ACTR10: variants seen among roughly 807,000 people sequenced by gnomAD.
ACTR10 encodes the protein actin-related protein 10.
Under a neutral mutation model 56.2 loss-of-function variants are expected in ACTR10, and 43 were observed. The observed-to-expected ratio is 0.77, with a 90% CI of 0.60 to 0.99. The LOEUF (loss-of-function observed/expected upper bound fraction) is 0.99, where lower values mean the gene tolerates loss of function less well. Ranked by LOEUF, ACTR10 falls within the 50% of genes least tolerant of loss-of-function variation. ACTR10 has a pLI of 0.00. For synonymous variants in ACTR10, 170 were observed against 176.3 expected (o/e 0.96, Z 0.28); for missense variants, 466 against 507.8 (o/e 0.92, Z 0.79).
chr14:58,230,369 C>T (rs1158461855), intron 10 of ACTR10, 30 bp from the exon 11 acceptor site: 1 of 1,364,724 alleles, frequency 7.3e-7, no homozygotes, highest in Non-Finnish European at 1.0e-6. Flanking sequence ...GTGACACCAA[C>T]AGAAAGCTCT....
intron 12 of ACTR10, 139 bp from the exon 13 acceptor site, chr14:58,234,231 A>G (rs897603673): frequency 3.3e-6 from 2 of 600,296 alleles, no homozygotes; most frequent in African/African-American, 1.9e-5. Context: ...CTTAACTGGA[A>G]TTACTTTGAA....
intron 1 of ACTR10, among the ~76,000 whole-genome samples, chr14:58,201,688 T>TA (rs1333119467): frequency 1.3e-5 from 2 of 152,186 alleles, no homozygotes; most frequent in African/African-American, 2.4e-5. Context: ...AATACCTAAA[T>TA]ACTCAAGAAA....
chr14:58,200,169 T>C lies in ACTR10; in HGVS notation c.-49T>C, dbSNP rs749793150. On this transcript the variant is annotated 5_prime_UTR_variant, in exon 1 of 13. Coordinates refer to ENST00000254286, the MANE Select transcript of ACTR10 (RefSeq NM_018477.3). ...GCCCCGCCCCGCGAGCGCCGAGACT[T>C]GTTGGCCGCGGAGACTGCGACCCTC... 11 of 1,399,238 alleles carry C rather than the reference T, an allele frequency of 7.9e-6. 1 individual carries two copies. The highest frequency in any genetic ancestry group is 1.0e-5 in the Non-Finnish European group (11 of 1,058,766). The allele number at this position is 1,399,238 out of a possible 1,614,324, so 86.7% of individuals were successfully genotyped here.
intron 4 of ACTR10, chr14:58,210,997 T>C: frequency 3.6e-6 from 1 of 274,292 alleles, no homozygotes. Flanking sequence ...CTTTTATCCC[T>C]TTCAATTTTC....
chr14:58,211,473 A>G, intron 5 of ACTR10, 74 bp downstream of exon 5: 1 of 1,081,750 alleles, frequency 9.2e-7, no homozygotes, highest in Non-Finnish European at 1.4e-6. Flanking sequence ...CTAATTATAA[A>G]TGATTTGTAT....
intron 7 of ACTR10, among the ~76,000 whole-genome samples, chr14:58,217,468 G>C (rs1038382506): frequency 6.6e-6 from 1 of 151,876 alleles, no homozygotes; most frequent in African/African-American, 2.4e-5. Flanking sequence ...AAGAGTTCGA[G>C]ACCAGCCTGA....
At chr14:58,207,753 T>TA (rs1355393574) in intron 2 of ACTR10, among the ~76,000 whole-genome samples, 183 bp from the exon 3 acceptor site, 1 of 152,228 alleles carries the variant, frequency 6.6e-6, no homozygotes, top group African/African-American at 2.4e-5. Flanking sequence ...TCTGCCATCT[T>TA]AGACATTCCG....
intron 8 of ACTR10, among the ~76,000 whole-genome samples, chr14:58,222,862 A>T (rs904996912): frequency 8.6e-5 from 13 of 151,614 alleles, no homozygotes; most frequent in African/African-American, 3.2e-4. Flanking sequence ...TTTTGGTAAC[A>T]TCTTTTCACA....
chr14:58,229,267 G>A (rs185664630), intron 10 of ACTR10, among the ~76,000 whole-genome samples: 6 of 152,268 alleles, frequency 3.9e-5, no homozygotes, highest in Admixed American at 2.0e-4. Context: ...GGAAGGAAAT[G>A]AGGAGAGGGT....
At chr14:58,232,824 T>C (rs1002934902) in intron 12 of ACTR10, among the ~76,000 whole-genome samples, 8 of 152,070 alleles carry the variant, frequency 5.3e-5, no homozygotes, top group African/African-American at 1.9e-4. Flanking sequence ...TCCCTCAAAA[T>C]AGTGAAAGCT....
chr14:58,217,091 T>G (rs1889150448), intron 7 of ACTR10, among the ~76,000 whole-genome samples: 1 of 152,228 alleles, frequency 6.6e-6, no homozygotes, highest in Admixed American at 6.5e-5. Flanking sequence ...TTGTGATGTC[T>G]TAGTATATTT....
chr14:58,229,367 T>C (rs561162857), intron 10 of ACTR10, among the ~76,000 whole-genome samples: 9 of 152,246 alleles, frequency 5.9e-5, no homozygotes, highest in Middle Eastern at 3.4e-3. Context: ...CACTATTCTA[T>C]ACTGAAAATT....
chr14:58,232,849 G>A (rs991385436), intron 12 of ACTR10, among the ~76,000 whole-genome samples: 4 of 150,834 alleles, frequency 2.7e-5, no homozygotes, highest in Non-Finnish European at 4.4e-5. Flanking sequence ...ATTTATTCCA[G>A]TGATGCTACC....
At chr14:58,208,075 A>G (rs1888909359) in intron 3 of ACTR10, 57 bp downstream of exon 3, 2 of 1,415,170 alleles carry the variant, frequency 1.4e-6, no homozygotes, top group Admixed American at 5.8e-5. Context: ...CTAATGCCAT[A>G]GTGATAATTG....
At chr14:58,228,148 A>G (rs1167659217) in intron 10 of ACTR10, among the ~76,000 whole-genome samples, 3 of 152,242 alleles carry the variant, frequency 2.0e-5, no homozygotes, top group African/African-American at 7.2e-5. Context: ...TAGATCATCC[A>G]GGGACAATAT....
At chr14:58,220,343 A>C (rs1489724145) in intron 8 of ACTR10, among the ~76,000 whole-genome samples, 3 of 125,986 alleles carry the variant, frequency 2.4e-5, no homozygotes, top group Non-Finnish European at 3.3e-5. Context: ...GAGATAATCT[A>C]ATACAGTTGG....
intron 11 of ACTR10, 68 bp from the exon 12 acceptor site, chr14:58,231,993 ATTTTC>A (rs1889547550): frequency 2.1e-6 from 2 of 934,292 alleles, no homozygotes; most frequent in East Asian, 2.6e-5. Flanking sequence ...ATTTATGTAT[ATTTTC>A]TTAAGTTCAA....
chr14:58,231,422 C>T (rs1018747498), intron 11 of ACTR10, among the ~76,000 whole-genome samples: 2 of 152,146 alleles, frequency 1.3e-5, no homozygotes, highest in Non-Finnish European at 2.9e-5. Context: ...CCTTCCAATT[C>T]AGGGTTGTAT....
chr14:58,222,197 A>G (rs962089449), intron 8 of ACTR10, among the ~76,000 whole-genome samples: 1 of 152,154 alleles, frequency 6.6e-6, no homozygotes, highest in East Asian at 1.9e-4. Flanking sequence ...ATGCTTTACA[A>G]GTAATACAAC....
Sources: gnomAD v4.1 joint callset for allele counts (sites outside exome capture counted in the v4.1 genomes callset) on GRCh38, gnomAD v4.1.1 for gene constraint, MANE v1.5 for transcripts, NCBI Gene and HGNC (gene_info 2026-07-23, HGNC 2026-07-21) for gene names.